NDST4: variants seen among roughly 807,000 people sequenced by gnomAD.
The protein encoded by NDST4 is N-heparan sulfate sulfotransferase 4.
Under a neutral mutation model 100.8 loss-of-function variants are expected in NDST4, and 63 were observed. The ratio of observed to expected loss-of-function variants is 0.62; its 90% CI spans 0.51 to 0.77. The LOEUF (loss-of-function observed/expected upper bound fraction) is 0.77, where lower values mean the gene tolerates loss of function less well. NDST4 is among the 30% of genes least tolerant of loss of function. The pLI, the probability that NDST4 is intolerant of heterozygous loss-of-function variation, is 0.00. For missense variants in NDST4, 943 were observed against 1,018.4 expected (o/e 0.93, Z 1.01); for synonymous variants, 377 against 361.8 (o/e 1.04, Z -0.48).
intron 4 of NDST4, among the ~76,000 whole-genome samples, chr4:114,963,493 T>C: frequency 6.6e-6 from 1 of 152,302 alleles, no homozygotes; most frequent in African/African-American, 2.4e-5. Context: ...GAAAATGTTC[T>C]AAAATTATGA....
intron 2 of NDST4, among the ~76,000 whole-genome samples, chr4:115,006,031 C>CAAAAAGAAAAAAAAAAAAAAAAAA (rs1727407719): frequency 1.0e-5 from 1 of 99,480 alleles, no homozygotes; most frequent in Admixed American, 1.1e-4. Flanking sequence ...GACTCTATCT[C>CAAAAAGAAAAAAAAAAAAAAAAAA]AAAAAAAAAA....
At chr4:114,862,707 T>C (rs772463286) in intron 7 of NDST4, among the ~76,000 whole-genome samples, 1 of 152,128 alleles carries the variant, frequency 6.6e-6, no homozygotes. Flanking sequence ...AGATTTAATA[T>C]AAGACTTGAA....
chr4:115,045,943 A>G (rs962617000), intron 2 of NDST4, among the ~76,000 whole-genome samples: 3 of 152,076 alleles, frequency 2.0e-5, no homozygotes, highest in Non-Finnish European at 4.4e-5. Context: ...GTGGATCTGG[A>G]GGTGTTCTGC....
intron 6 of NDST4, among the ~76,000 whole-genome samples, chr4:114,898,333 C>T (rs1724761712): frequency 6.6e-6 from 1 of 151,960 alleles, no homozygotes; most frequent in Non-Finnish European, 1.5e-5. Flanking sequence ...AATGTTTTGC[C>T]TTTTCTTCTT....
intron 2 of NDST4, among the ~76,000 whole-genome samples, chr4:114,989,535 C>T (rs995069329): frequency 6.6e-6 from 1 of 152,134 alleles, no homozygotes; most frequent in Non-Finnish European, 1.5e-5. Flanking sequence ...AAAGAAATTA[C>T]TAATACATTG....
At chr4:114,982,381 G>A (rs1192098750) in intron 2 of NDST4, among the ~76,000 whole-genome samples, 1 of 152,164 alleles carries the variant, frequency 6.6e-6, no homozygotes, top group African/African-American at 2.4e-5. Flanking sequence ...GGAAACTAGA[G>A]CAAAGGTCAT....
intron 2 of NDST4, among the ~76,000 whole-genome samples, chr4:115,057,678 T>A (rs2126281847): frequency 6.6e-6 from 1 of 151,540 alleles, no homozygotes; most frequent in East Asian, 2.0e-4. Context: ...GATAGAAATT[T>A]TCCACTTAGC....
At chr4:115,099,532 A>T (rs1174503652) in intron 1 of NDST4, among the ~76,000 whole-genome samples, 4 of 152,206 alleles carry the variant, frequency 2.6e-5, no homozygotes, top group African/African-American at 9.6e-5. Flanking sequence ...TTAATGAAAA[A>T]ATACAAATGG....
chr4:114,895,119 C>T (rs1267484735), intron 6 of NDST4, among the ~76,000 whole-genome samples: 4 of 151,694 alleles, frequency 2.6e-5, no homozygotes, highest in Non-Finnish European at 4.4e-5. Flanking sequence ...CTAGCAGAAA[C>T]AAGAAATAAC....
intron 2 of NDST4, among the ~76,000 whole-genome samples, chr4:115,022,844 G>T (rs1358126595): frequency 6.6e-6 from 1 of 152,108 alleles, no homozygotes; most frequent in African/African-American, 2.4e-5. Context: ...TTTGCCTGCT[G>T]CCATCCATGT....
chr4:115,100,192 G>A (rs1729701398), intron 1 of NDST4, among the ~76,000 whole-genome samples: 1 of 151,992 alleles, frequency 6.6e-6, no homozygotes. Context: ...TGGAACACAG[G>A]TGATATTTAG....
chr4:114,896,029 G>T (rs1724705978), intron 6 of NDST4, among the ~76,000 whole-genome samples: 1 of 138,878 alleles, frequency 7.2e-6, no homozygotes. Flanking sequence ...CCTAAATAAA[G>T]CCTAAAGAAT....
chr4:114,872,435 G>C (rs1360229239), intron 6 of NDST4, among the ~76,000 whole-genome samples: 1 of 151,980 alleles, frequency 6.6e-6, no homozygotes, highest in Non-Finnish European at 1.5e-5. Context: ...CAATCTGATA[G>C]ATATCAGTTC....
In NDST4 at chr4:114,871,622, C is replaced by T. The variant is rs144263677; in HGVS notation, c.1537-672G>A. On this transcript the variant is annotated intron_variant, in intron 6 of 13. Coordinates refer to ENST00000264363, the MANE Select transcript of NDST4 (RefSeq NM_022569.3). Reference sequence around the variant, plus strand: ...ATTCAAATGTTATTACAAACATAATCTAATATTTAGTTCATTAGGCATTGC... The same window carrying T: ...ATTCAAATGTTATTACAAACATAATTTAATATTTAGTTCATTAGGCATTGC... Among the ~76,000 whole-genome samples the T allele has an allele frequency of 8.1e-3, 1,227 of 152,028 alleles. 10 individuals are homozygous for T. The highest frequency in any genetic ancestry group is 0.011 in the South Asian group (51 of 4,824).
chr4:114,906,216 G>T (rs1367047012), intron 6 of NDST4, among the ~76,000 whole-genome samples: 1 of 151,898 alleles, frequency 6.6e-6, no homozygotes, highest in Non-Finnish European at 1.5e-5. Context: ...AGATTGAAAA[G>T]AAAGATAGAC....
intron 2 of NDST4, among the ~76,000 whole-genome samples, chr4:115,021,916 T>C (rs149679569): frequency 7.1e-4 from 104 of 146,396 alleles, no homozygotes; most frequent in South Asian, 4.0e-3. Flanking sequence ...CATATATATA[T>C]GTTCCACATC....
At chr4:115,106,136 C>A (rs1729829087) in intron 1 of NDST4, among the ~76,000 whole-genome samples, 1 of 152,002 alleles carries the variant, frequency 6.6e-6, no homozygotes, top group Non-Finnish European at 1.5e-5. Context: ...GCAAAAATAT[C>A]TGGTTCACCA....
chr4:114,865,140 C>G (rs1213933462), intron 7 of NDST4, among the ~76,000 whole-genome samples: 1 of 151,840 alleles, frequency 6.6e-6, no homozygotes, highest in Non-Finnish European at 1.5e-5. Flanking sequence ...TCTCGGCTCA[C>G]TGCAACCTCT....
intron 2 of NDST4, among the ~76,000 whole-genome samples, chr4:114,987,301 A>G (rs1406530924): frequency 6.6e-6 from 1 of 152,138 alleles, no homozygotes; most frequent in African/African-American, 2.4e-5. Context: ...AACTGGGTCC[A>G]AGTTCTCTTT....
Sources: gnomAD v4.1 joint callset for allele counts (sites outside exome capture counted in the v4.1 genomes callset) on GRCh38, gnomAD v4.1.1 for gene constraint, MANE v1.5 for transcripts, NCBI Gene and HGNC (gene_info 2026-07-23, HGNC 2026-07-21) for gene names.